The following GNG7 variants were observed in gnomAD, a reference collection of about 807,000 sequenced individuals.
The protein encoded by GNG7 is guanine nucleotide-binding protein G(I)/G(S)/G(O) subunit gamma-7.
Under a neutral mutation model 4.0 loss-of-function variants are expected in GNG7, and 1 was observed. The observed-to-expected ratio is 0.25, with a 90% CI of 0.09 to 1.18. The LOEUF is 1.18. GNG7 is among the 50% of genes most tolerant of loss of function. The probability of loss-of-function intolerance (pLI) is 0.50; values close to 1 mark genes in which losing one functional copy is unlikely to be tolerated. For missense variants in GNG7, 86 were observed against 91.9 expected (o/e 0.94, Z 0.26); for synonymous variants, 34 against 36.9 (o/e 0.92, Z 0.29).
rs1982229999 is a variant in GNG7 at position 2,633,630 on chromosome 19, A to G, written c.-78+12594T>C. ...GTATGGAGCCTCAATCAGTAGAGTC[A>G]GGTGGTCGCAATAACAGCTCTGAAA... On this transcript the variant is annotated intron_variant, in intron 2 of 4. Transcript: ENST00000382159. The surrounding 1 kb of genome is among the most constrained non-coding windows in gnomAD (Gnocchi z 5.9). 6.6e-6 allele frequency among the ~76,000 whole-genome samples: 1 copy of G among 151,746 alleles called. No homozygotes were observed. Among genetic ancestry groups the G allele is most frequent in the South Asian group, 2.1e-4 (1 of 4,800 alleles).
At chr19:2,516,142 G>A (rs55845057) in intron 4 of GNG7, among the ~76,000 whole-genome samples, 44,537 of 151,656 alleles carry the variant, frequency 0.29, 6,608 homozygotes, top group South Asian at 0.38. Context: ...GCTTGAGCCT[G>A]GGAGGTTAAG....
intron 3 of GNG7, among the ~76,000 whole-genome samples, chr19:2,552,747 T>C (rs1979370669): frequency 6.6e-6 from 1 of 150,518 alleles, no homozygotes; most frequent in Non-Finnish European, 1.5e-5. Context: ...TTATGGTGAG[T>C]TGTGGAATTA....
At chr19:2,573,990 G>A (rs145028904) in intron 2 of GNG7, among the ~76,000 whole-genome samples, 2 of 152,328 alleles carry the variant, frequency 1.3e-5, no homozygotes, top group Middle Eastern at 3.4e-3. Flanking sequence ...CTGCTGCGAG[G>A]TACGGCCGGA....
intron 2 of GNG7, among the ~76,000 whole-genome samples, chr19:2,603,839 TTTATTA>T (rs10647731): frequency 2.7e-5 from 4 of 150,340 alleles, no homozygotes; most frequent in Non-Finnish European, 5.9e-5. Context: ...TGCCTGTTCT[TTTATTA>T]TTATTATTAT....
chr19:2,555,905 G>A (rs984171105), intron 2 of GNG7, among the ~76,000 whole-genome samples: 1 of 151,670 alleles, frequency 6.6e-6, no homozygotes, highest in Non-Finnish European at 1.5e-5. Flanking sequence ...TGCACGGATC[G>A]CGAGGGGGGG....
At chr19:2,591,097 G>A (rs1980838253) in intron 2 of GNG7, among the ~76,000 whole-genome samples, 1 of 152,162 alleles carries the variant, frequency 6.6e-6, no homozygotes. Context: ...TAAGTATGTT[G>A]TTCCTTGGAT....
chr19:2,613,432 G>A (rs757278126), intron 2 of GNG7, among the ~76,000 whole-genome samples: 1 of 151,906 alleles, frequency 6.6e-6, no homozygotes, highest in Non-Finnish European at 1.5e-5. Context: ...CCCCGCTCCT[G>A]CTCACAGTAG....
At chr19:2,537,436 A>C (rs541569608) in intron 3 of GNG7, among the ~76,000 whole-genome samples, 1 of 151,576 alleles carries the variant, frequency 6.6e-6, no homozygotes, top group Non-Finnish European at 1.5e-5. Context: ...GTAGAGATGA[A>C]GTCTCTACAG....
intron 2 of GNG7, among the ~76,000 whole-genome samples, chr19:2,586,323 C>T (rs1980671608): frequency 6.6e-6 from 1 of 152,234 alleles, no homozygotes; most frequent in Non-Finnish European, 1.5e-5. Context: ...CTGGTGGCTG[C>T]TGGCATTCCC....
chr19:2,547,217 C>A (rs780000995), intron 3 of GNG7, among the ~76,000 whole-genome samples: 1 of 152,080 alleles, frequency 6.6e-6, no homozygotes, highest in African/African-American at 2.4e-5. Context: ...CCTGGACGTT[C>A]GTTGTGTCCT....
intron 2 of GNG7, among the ~76,000 whole-genome samples, chr19:2,568,164 CAT>C (rs1255075101): frequency 1.3e-5 from 2 of 151,082 alleles, no homozygotes; most frequent in African/African-American, 4.9e-5. Flanking sequence ...CATACACATA[CAT>C]ACACACACAT....
chr19:2,642,181 C>A (rs1982526041), intron 2 of GNG7: 1 of 160,956 alleles, frequency 6.2e-6, no homozygotes, highest in Admixed American at 5.6e-5. Context: ...CACAGACCCC[C>A]ACCATGGGAC....
chr19:2,615,750 AC>A (rs1368033477), intron 2 of GNG7, among the ~76,000 whole-genome samples: 1 of 152,108 alleles, frequency 6.6e-6, no homozygotes, highest in Non-Finnish European at 1.5e-5. Context: ...GGCATGAGCC[AC>A]CACGCCTGGC....
chr19:2,621,182 C>T (rs949927105), intron 2 of GNG7, among the ~76,000 whole-genome samples: 4 of 152,254 alleles, frequency 2.6e-5, no homozygotes, highest in Admixed American at 6.5e-5. Context: ...TTCTTGTCCA[C>T]GGGGAACCTC....
intron 1 of GNG7, among the ~76,000 whole-genome samples, chr19:2,688,886 C>T (rs1419935091): frequency 6.6e-6 from 1 of 151,624 alleles, no homozygotes; most frequent in African/African-American, 2.4e-5. Flanking sequence ...GGCAAAATAG[C>T]GAGACCTCAT....
chr19:2,590,684 TCCATTCATCCATCCATCCATCCAC>T (rs1980822784), intron 2 of GNG7, among the ~76,000 whole-genome samples: 5 of 141,422 alleles, frequency 3.5e-5, no homozygotes, highest in Non-Finnish European at 1.5e-5. Flanking sequence ...CATCCACCCA[TCCATTCATCCATCCATCCATCCAC>T]CCATTCATCC....
chr19:2,579,699 C>A (rs564661485), intron 2 of GNG7, among the ~76,000 whole-genome samples: 1 of 152,290 alleles, frequency 6.6e-6, no homozygotes, highest in East Asian at 1.9e-4. Context: ...GAGCAGGGGA[C>A]GCACCCCCAC....
chr19:2,624,886 G>A (rs1981977844), intron 2 of GNG7, among the ~76,000 whole-genome samples: 2 of 152,238 alleles, frequency 1.3e-5, no homozygotes, highest in Non-Finnish European at 2.9e-5. Context: ...GCTGTGGGCT[G>A]GGCCACTCCT....
At chr19:2,671,818 G>A (rs906030138) in intron 1 of GNG7, among the ~76,000 whole-genome samples, 1 of 151,620 alleles carries the variant, frequency 6.6e-6, no homozygotes, top group African/African-American at 2.4e-5. Flanking sequence ...CTGGGAGGCC[G>A]AGGCGGGTGG....
Sources: allele counts gnomAD v4.1 joint callset (sites outside exome capture counted in the v4.1 genomes callset), GRCh38; gene constraint gnomAD v4.1.1; non-coding constraint Gnocchi (gnomAD v3.1); transcripts MANE v1.5; gene names NCBI Gene and HGNC (gene_info 2026-07-23, HGNC 2026-07-21).